The following CACNA1H variants were observed in gnomAD, a reference collection of about 807,000 sequenced individuals.
CACNA1H encodes voltage-dependent T-type calcium channel subunit alpha-1H.
CACNA1H carries 149 observed loss-of-function variants against 192.5 expected under a neutral mutation model. The observed-to-expected ratio is 0.77, with a 90% CI of 0.68 to 0.89. CACNA1H has a LOEUF of 0.89. CACNA1H is among the 40% of genes least tolerant of loss of function. The pLI is 0.00. For synonymous variants in CACNA1H, 2,202 were observed against 1,475.2 expected (o/e 1.49, Z -11.29); for missense variants, 4,257 against 3,423.5 (o/e 1.24, Z -6.08).
chr16:1,198,131 C>T (rs1967217037), intron 5 of CACNA1H, among the ~76,000 whole-genome samples: 1 of 152,154 alleles, frequency 6.6e-6, no homozygotes, highest in Non-Finnish European at 1.5e-5. Flanking sequence ...ACCTGAGGTT[C>T]TGGGGCTCCC....
chr16:1,154,005 C>T lies in CACNA1H; in HGVS notation c.268C>T (p.Arg90Cys). 1.4e-6 allele frequency: 2 copies of T among 1,415,894 alleles called. No individual in the cohort carries two copies. The highest frequency in any genetic ancestry group is 1.8e-6 in the Non-Finnish European group (2 of 1,082,514). 87.7% of individuals were successfully genotyped at this position (1,415,894 alleles called of 1,614,324 possible). The part of the protein sequence containing the change: ...FFCLGQTTRP[R>C]SWCLRLVCNP... ...CTGCCTCGGTCAGACCACGCGGCCG[C>T]GCAGCTGGTGCCTCCGGCTGGTCTG... Residue 90 changes from arginine (R) to cysteine (C), a missense_variant, in exon 2 of 35, where the codon CGC becomes TGC. Transcript: ENST00000348261.
intron 2 of CACNA1H, among the ~76,000 whole-genome samples, chr16:1,187,999 G>A (rs1004085261): frequency 3.3e-5 from 5 of 152,218 alleles, no homozygotes; most frequent in African/African-American, 9.6e-5. Context: ...TAGATGGAGG[G>A]GCTTGTTTTG....
In CACNA1H at chr16:1,216,649, T is replaced by C. The variant is rs141396602; in HGVS notation, c.5245-283T>C. Among the ~76,000 whole-genome samples the C allele has an allele frequency of 9.6e-4, 146 of 152,232 alleles. No individual in the cohort carries two copies. In the East Asian group the frequency reaches 0.027, roughly 28 times the overall value. ...GAGTGGGCTCTGGGCCAGAGGCTGA[T>C]GCTCAGGGGCAGGGCAGAGGAAGAG... On this transcript the variant is annotated intron_variant, in intron 30 of 34. Transcript: ENST00000348261.
chr16:1,204,741 C>T (rs2141284375), intron 10 of CACNA1H, among the ~76,000 whole-genome samples: 1 of 141,262 alleles, frequency 7.1e-6, no homozygotes, highest in East Asian at 2.0e-4. Flanking sequence ...TGCAGCCAAA[C>T]CTGCTCCCAG....
chr16:1,208,927 CAT>C, intron 16 of CACNA1H, 103 bp from the exon 17 acceptor site: 1 of 1,201,394 alleles, frequency 8.3e-7, no homozygotes, highest in Non-Finnish European at 1.1e-6. Context: ...CGGGGCTATG[CAT>C]TAAATGATCC....
In CACNA1H at chr16:1,221,697, G is replaced by A. The variant is rs748611684; in HGVS notation, c.*703G>A. The A allele has an allele frequency of 1.7e-5, 21 of 1,259,882 alleles. No individual in the cohort carries two copies. Among genetic ancestry groups the A allele is most frequent in the Non-Finnish European group, 2.3e-5 (21 of 922,244 alleles). 78.0% of individuals were successfully genotyped at this position (1,259,882 alleles called of 1,614,324 possible). ...TTCAGGTTAAATGTTGCAATAATCT[G>A]ATGCAGAAGACTCAGCTTCTCAAGG... On this transcript the variant is annotated 3_prime_UTR_variant, in exon 35 of 35. Transcript: ENST00000348261.
At position 1,180,806 on chromosome 16, in the gene CACNA1H, G is replaced by A. The variant is rs1015786803; in HGVS notation, c.300-14166G>A. Among the ~76,000 whole-genome samples, 5 of 152,124 alleles carry A rather than the reference G, an allele frequency of 3.3e-5. No individual in the cohort carries two copies. The highest frequency in any genetic ancestry group is 7.4e-5 in the Non-Finnish European group (5 of 67,988). On this transcript the variant is annotated intron_variant, in intron 2 of 34. Transcript: ENST00000348261. The surrounding 1 kb of genome is among the most constrained non-coding windows in gnomAD (Gnocchi z 4.4). The stretch of plus-strand genomic sequence containing the variant: ...CTTAGGTGAAGAGGACCAGAGTGAG[G>A]TCAGCCCTGGTCCACAGCCACCCCG...
chr16:1,170,149 G>T (rs1048383193), intron 2 of CACNA1H, among the ~76,000 whole-genome samples: 4 of 152,216 alleles, frequency 2.6e-5, no homozygotes, highest in Non-Finnish European at 5.9e-5. Context: ...TGTGCCAGGG[G>T]AGGGGCCTGA....
intron 2 of CACNA1H, among the ~76,000 whole-genome samples, chr16:1,174,861 C>G (rs1206545607): frequency 4.6e-5 from 7 of 152,194 alleles, no homozygotes; most frequent in African/African-American, 1.7e-4. Flanking sequence ...GGGCCCAGGT[C>G]TGCAGCCAGC....
intron 24 of CACNA1H, 53 bp downstream of exon 24, chr16:1,211,858 G>T (rs1315401650): frequency 2.5e-6 from 4 of 1,609,832 alleles, no homozygotes; most frequent in African/African-American, 1.3e-5. Context: ...GCGAGCGGCT[G>T]CCTTGGCCTC....
rs574868914 is a variant in CACNA1H at position 1,180,360 on chromosome 16, G to C, written c.300-14612G>C. On this transcript the variant is annotated intron_variant, in intron 2 of 34. Coordinates refer to ENST00000348261, the MANE Select transcript of CACNA1H (RefSeq NM_021098.3). This position sits in a 1 kb window ranked among gnomAD's most constrained non-coding sequence, Gnocchi z 4.4. Reference sequence around the variant, plus strand: ...GAGGACGGTCCCATAGCTGGGGGCAGAGCAGGGCAGGCTGGGTGAGGAGGG... The same window carrying C: ...GAGGACGGTCCCATAGCTGGGGGCACAGCAGGGCAGGCTGGGTGAGGAGGG... 6.6e-6 allele frequency among the ~76,000 whole-genome samples: 1 copy of C among 152,344 alleles called. No individual in the cohort carries two copies. The highest frequency in any genetic ancestry group is 1.9e-4 in the East Asian group (1 of 5,176).
At chr16:1,204,480 G>A in intron 10 of CACNA1H, 22 bp downstream of exon 10, 1 of 1,511,084 alleles carries the variant, frequency 6.6e-7, no homozygotes, top group Non-Finnish European at 8.9e-7. Flanking sequence ...CCTGGCCACG[G>A]GGTGGGCTCC....
intron 22 of CACNA1H, 47 bp from the exon 23 acceptor site, chr16:1,211,434 G>C (rs1330834789): frequency 6.2e-7 from 1 of 1,611,108 alleles, no homozygotes; most frequent in African/African-American, 1.3e-5. Flanking sequence ...CCGGTGTGGG[G>C]TGGGGCACAG....
Position 1,219,006 on chromosome 16 carries a change from C to T in CACNA1H, c.5924C>T (p.Ser1975Phe), listed in dbSNP as rs186422070. 313 of 1,550,324 alleles carry T rather than the reference C, an allele frequency of 2.0e-4. 1 individual carries two copies. The African/African-American group carries it at 2.7e-3, about 14-fold the overall frequency. The change falls in exon 34 of 35, where the codon TCC (serine) becomes TTC (phenylalanine). Residue 1975 changes from serine to phenylalanine, a missense_variant. Physicochemically the swap from Ser to Phe is radical, Grantham distance 155. Coordinates refer to ENST00000348261, the MANE Select transcript of CACNA1H (RefSeq NM_021098.3). ...VASVHSPPAE[S>F]CASLQIPLAV... ...TCTGTGCACTCTCCGCCCGCAGAGTCCTGTGCCTCCCTCCAGATCCCATTG... is the reference window on the plus strand; with the variant it reads ...TCTGTGCACTCTCCGCCCGCAGAGTTCTGTGCCTCCCTCCAGATCCCATTG...
At chr16:1,156,671 A>G (rs1292524813) in intron 2 of CACNA1H, among the ~76,000 whole-genome samples, 2 of 152,104 alleles carry the variant, frequency 1.3e-5, no homozygotes, top group Non-Finnish European at 2.9e-5. Flanking sequence ...AGGGAGGGAT[A>G]ATCGGATTTG....
At chr16:1,203,861 A>G (rs1405193979) in intron 9 of CACNA1H, 149 bp from the exon 10 acceptor site, 2 of 605,434 alleles carry the variant, frequency 3.3e-6, no homozygotes, top group Admixed American at 6.0e-5. Context: ...CTTTCTGTGA[A>G]GTCCAGTCAC....
rs1965328727 is a variant in CACNA1H, at chr16:1,180,205, G to A, written c.300-14767G>A. ...AGCCGGCTCCTGGGTGCACAGGCAGGTGGTGTGCGTCCGCATTGCAGAACA... is the reference window on the plus strand; with the variant it reads ...AGCCGGCTCCTGGGTGCACAGGCAGATGGTGTGCGTCCGCATTGCAGAACA... On this transcript the variant is annotated intron_variant, in intron 2 of 34. Transcript: ENST00000348261. The surrounding 1 kb of genome is among the most constrained non-coding windows in gnomAD (Gnocchi z 4.4). Among the ~76,000 whole-genome samples the A allele has an allele frequency of 6.6e-6, 1 of 152,254 alleles. No individual in the cohort carries two copies.
Position 1,204,410 on chromosome 16 carries a change from G to T in CACNA1H, c.2403G>T (p.Met801Ile). 1 of 1,552,908 alleles carries T rather than the reference G, an allele frequency of 6.4e-7. No homozygotes were observed. The highest frequency in any genetic ancestry group is 8.7e-7 in the Non-Finnish European group (1 of 1,150,336). The change falls in exon 10 of 35, where the codon ATG (methionine) becomes ATT (isoleucine). Residue 801 changes from methionine (M) to isoleucine (I), a missense_variant. Coordinates refer to ENST00000348261, the MANE Select transcript of CACNA1H (RefSeq NM_021098.3). ...DSKYFSRGIMMAILVNTLSMG... is the reference protein window; with the variant it reads ...DSKYFSRGIMIAILVNTLSMG... Reference sequence around the variant, plus strand: ...AGTACTTCAGCCGTGGCATCATGATGGCCATCCTTGTCAACACGCTGAGCA... The same window carrying T: ...AGTACTTCAGCCGTGGCATCATGATTGCCATCCTTGTCAACACGCTGAGCA...
chr16:1,168,360 C>G (rs997685950), intron 2 of CACNA1H, among the ~76,000 whole-genome samples: 3 of 152,042 alleles, frequency 2.0e-5, no homozygotes, highest in Non-Finnish European at 2.9e-5. Flanking sequence ...CCATGCAGTC[C>G]GACCACCCAC....
Sources: gnomAD v4.1 joint callset for allele counts (sites outside exome capture counted in the v4.1 genomes callset) on GRCh38, gnomAD v4.1.1 for gene constraint, Gnocchi (gnomAD v3.1) non-coding constraint, MANE v1.5 for transcripts, NCBI Gene and HGNC (gene_info 2026-07-23, HGNC 2026-07-21) for gene names.